Variants in POLR1F observed in about 807,000 individuals in gnomAD.
POLR1F encodes the protein RNA polymerase I subunit F, also known as DNA-directed RNA polymerase I subunit RPA43.
POLR1F carries 23 observed loss-of-function variants against 21.8 expected under a neutral mutation model. The observed-to-expected ratio is 1.05, with a 90% CI of 0.76 to 1.49. POLR1F has a LOEUF of 1.49. Among genes scored for constraint, POLR1F ranks in the 40% most tolerant of loss-of-function variants. The pLI is 0.00. For missense variants in POLR1F, 435 were observed against 412.1 expected, an observed-to-expected ratio of 1.06 and a Z score of -0.48; for synonymous variants, 162 against 152.8, an observed-to-expected ratio of 1.06 and a Z score of -0.45.
chr7:19,698,307 TA>T lies in POLR1F; in HGVS notation c.*8del. The T allele has an allele frequency of 6.5e-7, 1 of 1,541,612 alleles. No homozygotes were observed. Among genetic ancestry groups the T allele is most frequent in the Non-Finnish European group, 8.7e-7 (1 of 1,153,606 alleles). ...GATCTTTTAAAAACTGAATCGTGTTTAAAATACACTAAAGAAAATTACTTTT... is the reference window on the plus strand; with the variant it reads ...GATCTTTTAAAAACTGAATCGTGTTTAAATACACTAAAGAAAATTACTTTT... On this transcript the variant is annotated 3_prime_UTR_variant, in exon 4 of 4. Transcript: ENST00000222567.
At chr7:19,702,356 C>T (rs117538519) in intron 2 of POLR1F, among the ~76,000 whole-genome samples, 14 of 152,198 alleles carry the variant, frequency 9.2e-5, no homozygotes, top group African/African-American at 2.9e-4. Context: ...TCCAGAACAA[C>T]GGGAAAGCTA....
rs1034061183 is a variant in POLR1F, at chr7:19,697,216, A to C, written c.*1100T>G. 6.6e-6 allele frequency: 1 copy of C among 152,120 alleles called. No homozygotes were observed. The highest frequency in any genetic ancestry group is 2.1e-4 in the South Asian group (1 of 4,826). 9.4% of individuals were successfully genotyped at this position (152,120 alleles called of 1,614,324 possible). ...CCCTTTTTTTCATACCACTTAATAC[A>C]ATTATTAATTTTCTTATTTATTGTG... On this transcript the variant is annotated 3_prime_UTR_variant, in exon 4 of 4. Coordinates refer to ENST00000222567, the MANE Select transcript of POLR1F (RefSeq NM_001002926.2).
chr7:19,700,233 A>G lies in POLR1F; in HGVS notation c.444T>C (p.His148=), dbSNP rs769622474. The change falls in exon 3 of 4, where the codon CAT becomes CAC. Residue 148 remains histidine (H), a synonymous_variant. Transcript: ENST00000222567. The stretch of plus-strand genomic sequence containing the variant: ...TAGGAATGGAGGCATTGAAACACCC[A>G]TGTACTAAACAGCCAATGTGGCTAG... The part of the protein sequence containing the change: ...VSSSHIGCLV[H]GCFNASIPKP... 2 of 1,613,854 alleles carry G rather than the reference A, an allele frequency of 1.2e-6. No individual in the cohort carries two copies.
chr7:19,696,814 T>G lies in POLR1F; in HGVS notation c.*1502A>C, dbSNP rs1783370558. 1.3e-5 allele frequency: 2 copies of G among 152,130 alleles called. No individual in the cohort carries two copies. Among genetic ancestry groups the G allele is most frequent in the Admixed American group, 6.6e-5 (1 of 15,262 alleles). The allele number at this position is 152,130 out of a possible 1,614,324, so 9.4% of individuals were successfully genotyped here. A position where few individuals can be genotyped will look rare whatever the true frequency, so the allele number is the denominator to read the frequency against. ...TAAAAATTGAGATAGTTTACATTTT[T>G]TGGTACATCTTTAAAATCTGGTATG... On this transcript the variant is annotated 3_prime_UTR_variant, in exon 4 of 4. Coordinates refer to ENST00000222567, the MANE Select transcript of POLR1F (RefSeq NM_001002926.2).
At chr7:19,708,673 TG>T in intron 1 of POLR1F, 89 bp downstream of exon 1, 2 of 1,526,496 alleles carry the variant, frequency 1.3e-6, no homozygotes, top group Non-Finnish European at 1.8e-6. Context: ...ATGCGACCTT[TG>T]CCATTTGCCC....
rs1783502496 is a variant in POLR1F at position 19,705,071 on chromosome 7, C to T, written c.255-151G>A. The T allele has an allele frequency of 8.5e-6, 6 of 704,896 alleles. No individual in the cohort carries two copies. The East Asian group carries it at 1.8e-4, about 22-fold the overall frequency. The allele number at this position is 704,896 out of a possible 1,614,324, so 43.7% of individuals were successfully genotyped here. On this transcript the variant is annotated intron_variant, in intron 1 of 3. Coordinates refer to ENST00000222567, the MANE Select transcript of POLR1F (RefSeq NM_001002926.2). ...CTCGACCTCCTGGGCTCAATTGATC[C>T]TTCTGCCTCAGCCTCCCAAAGTGCT...
At chr7:19,700,447 A>C in intron 2 of POLR1F, 167 bp from the exon 3 acceptor site, 9 of 593,640 alleles carry the variant, frequency 1.5e-5, no homozygotes, top group Non-Finnish European at 1.5e-5. Context: ...ACCACATGTC[A>C]TGCCAAAACA....
intron 3 of POLR1F, 117 bp downstream of exon 3, chr7:19,699,955 T>G (rs529753215): frequency 1.3e-6 from 1 of 791,110 alleles, no homozygotes; most frequent in Admixed American, 2.6e-5. Context: ...AATATTCCTA[T>G]AAACAGGTAT....
rs766025855 is a variant in POLR1F, at chr7:19,698,275, G to A, written c.*41C>T. The A allele has an allele frequency of 4.0e-5, 60 of 1,508,858 alleles. No individual in the cohort carries two copies. The Middle Eastern group carries it at 5.4e-4, about 14-fold the overall frequency. 93.5% of individuals were successfully genotyped at this position (1,508,858 alleles called of 1,614,324 possible). ...GAAAACATTTATTCATCTATTGTATGTAGATCGATCTTTTAAAAACTGAAT... is the reference window on the plus strand; with the variant it reads ...GAAAACATTTATTCATCTATTGTATATAGATCGATCTTTTAAAAACTGAAT... On this transcript the variant is annotated 3_prime_UTR_variant, in exon 4 of 4. Coordinates refer to ENST00000222567, the MANE Select transcript of POLR1F (RefSeq NM_001002926.2).
rs1385066292 is a variant in POLR1F, at chr7:19,708,744, C to A, written c.254+19G>T. 1 of 1,591,834 alleles carries A rather than the reference C, an allele frequency of 6.3e-7. No homozygotes were observed. Among genetic ancestry groups the A allele is most frequent in the East Asian group, 2.3e-5 (1 of 44,282 alleles). ...TACTTCCCGTGCACAAAAGAAGGAA[C>A]AGGCAAAGAGATCGGTACCTCTCAG... On this transcript the variant is annotated intron_variant, in intron 1 of 3. Transcript: ENST00000222567.
intron 3 of POLR1F, among the ~76,000 whole-genome samples, chr7:19,698,986 C>T (rs1562595171): frequency 6.6e-6 from 1 of 151,974 alleles, no homozygotes; most frequent in Non-Finnish European, 1.5e-5. Flanking sequence ...TAACTTCTCC[C>T]AGACTGTTTC....
intron 1 of POLR1F, among the ~76,000 whole-genome samples, chr7:19,707,456 C>A (rs1562597286): frequency 6.6e-6 from 1 of 152,200 alleles, no homozygotes; most frequent in Non-Finnish European, 1.5e-5. Flanking sequence ...TCTTTGACCC[C>A]CTGCCCTCCT....
Position 19,695,937 on chromosome 7 carries a change from A to T in POLR1F, c.*2379T>A, listed in dbSNP as rs997893290. 6.6e-6 allele frequency: 1 copy of T among 152,190 alleles called. No individual in the cohort carries two copies. The highest frequency in any genetic ancestry group is 2.4e-5 in the African/African-American group (1 of 41,460). The allele number at this position is 152,190 out of a possible 1,614,324, so 9.4% of individuals were successfully genotyped here. ...TTGTACTTGTCATTTATACTTGTGT[A>T]TCTTATAGACAAAACGGTAAGCCCT... On this transcript the variant is annotated 3_prime_UTR_variant, in exon 4 of 4. Transcript: ENST00000222567.
chr7:19,699,121 C>T (rs929457686), intron 3 of POLR1F, among the ~76,000 whole-genome samples: 1 of 152,084 alleles, frequency 6.6e-6, no homozygotes, highest in African/African-American at 2.4e-5. Context: ...AAACCACTGA[C>T]ATCTAATAGA....
chr7:19,700,473 A>G, intron 2 of POLR1F, 193 bp from the exon 3 acceptor site: 1 of 565,596 alleles, frequency 1.8e-6, no homozygotes, highest in Non-Finnish European at 3.1e-6. Flanking sequence ...TTAGAATACC[A>G]CTGGGTTTTG....
At chr7:19,705,393 T>C (rs561158894) in intron 1 of POLR1F, 1 of 154,898 alleles carries the variant, frequency 6.5e-6, no homozygotes, top group East Asian at 1.9e-4. Flanking sequence ...GCATGACTAT[T>C]TGAATTCTTC....
rs1186080485 is a variant in POLR1F, at chr7:19,698,120, T to G, written c.*196A>C. 1.6e-5 allele frequency: 7 copies of G among 446,958 alleles called. No individual in the cohort carries two copies. In the East Asian group the frequency reaches 2.5e-4, roughly 16 times the overall value. The allele number at this position is 446,958 out of a possible 1,614,324, so 27.7% of individuals were successfully genotyped here. A position where few individuals can be genotyped will look rare whatever the true frequency, so the allele number is the denominator to read the frequency against. ...TTTTATTTTGTATAAAATGGTATTT[T>G]AACAATACTGGCTTTCCCCAAATTA... On this transcript the variant is annotated 3_prime_UTR_variant, in exon 4 of 4. Coordinates refer to ENST00000222567, the MANE Select transcript of POLR1F (RefSeq NM_001002926.2).
intron 1 of POLR1F, 112 bp from the exon 2 acceptor site, chr7:19,705,032 G>A: frequency 9.1e-7 from 1 of 1,098,760 alleles, no homozygotes; most frequent in South Asian, 1.8e-5. Flanking sequence ...GACATCAACA[G>A]GGCTCACTGC....
At chr7:19,701,519 G>A (rs974804273) in intron 2 of POLR1F, among the ~76,000 whole-genome samples, 12 of 152,168 alleles carry the variant, frequency 7.9e-5, no homozygotes, top group African/African-American at 2.7e-4. Context: ...GGAAATATTA[G>A]GGAAAGTTAT....
Sources: allele counts gnomAD v4.1 joint callset (sites outside exome capture counted in the v4.1 genomes callset), GRCh38; gene constraint gnomAD v4.1.1; transcripts MANE v1.5; gene names NCBI Gene and HGNC (gene_info 2026-07-23, HGNC 2026-07-21).